The following GATAD2B variants were observed in gnomAD, a reference collection of about 807,000 sequenced individuals.
The protein encoded by GATAD2B is GATA zinc finger domain containing 2B, also known as transcriptional repressor p66-beta.
A neutral mutation model predicts 64.3 loss-of-function variants in GATAD2B; 8 were observed. That is an observed-to-expected ratio of 0.12 (90% CI 0.07 to 0.22). GATAD2B has a LOEUF of 0.22. Among genes scored for constraint, GATAD2B ranks in the 10% least tolerant of loss-of-function variants. GATAD2B has a pLI of 1.00. For missense variants in GATAD2B, 453 were observed against 752.0 expected (o/e 0.60, Z 4.65); for synonymous variants, 281 against 271.3 (o/e 1.04, Z -0.35).
chr1:153,815,104 A>AAAAAC (rs1228855932), intron 7 of GATAD2B, among the ~76,000 whole-genome samples: 5 of 142,338 alleles, frequency 3.5e-5, no homozygotes, highest in Non-Finnish European at 6.2e-5. Flanking sequence ...AAAAAAAAAA[A>AAAAAC]AAAAAAAACC....
At chr1:153,832,290 G>A (rs1269348582) in intron 1 of GATAD2B, among the ~76,000 whole-genome samples, 2 of 152,096 alleles carry the variant, frequency 1.3e-5, no homozygotes, top group Admixed American at 6.6e-5. Flanking sequence ...CTATTCCAAT[G>A]CACACACAAA....
At chr1:153,837,256 G>A (rs1387983379) in intron 1 of GATAD2B, among the ~76,000 whole-genome samples, 1 of 152,050 alleles carries the variant, frequency 6.6e-6, no homozygotes, top group Non-Finnish European at 1.5e-5. Flanking sequence ...TTGGGAGGCT[G>A]GTGTGGGAGG....
At chr1:153,896,930 T>C (rs1677612325) in intron 1 of GATAD2B, among the ~76,000 whole-genome samples, 1 of 152,214 alleles carries the variant, frequency 6.6e-6, no homozygotes, top group South Asian at 2.1e-4. Flanking sequence ...AGACCCATTT[T>C]TGAAGGATCT....
At chr1:153,850,749 C>G (rs568975194) in intron 1 of GATAD2B, among the ~76,000 whole-genome samples, 1 of 151,936 alleles carries the variant, frequency 6.6e-6, no homozygotes, top group Admixed American at 6.6e-5. Flanking sequence ...AGTGAAACTT[C>G]GTCTCTACTA....
At chr1:153,852,245 C>T in intron 1 of GATAD2B, 1 of 1,219,486 alleles carries the variant, frequency 8.2e-7, no homozygotes, top group Non-Finnish European at 1.2e-6. Flanking sequence ...ACAAGAAATC[C>T]ATCAAGTCAT....
chr1:153,920,915 A>G (rs1182846133), intron 1 of GATAD2B, among the ~76,000 whole-genome samples: 1 of 152,172 alleles, frequency 6.6e-6, no homozygotes, highest in African/African-American at 2.4e-5. Context: ...CTATCTGCTT[A>G]TATGAATCCG....
chr1:153,847,453 T>C (rs903991636), intron 1 of GATAD2B, among the ~76,000 whole-genome samples: 5 of 152,110 alleles, frequency 3.3e-5, no homozygotes, highest in African/African-American at 1.2e-4. Context: ...GGTAAAATCA[T>C]AGCTTACTGC....
At chr1:153,898,498 G>GGAA (rs1210567077) in intron 1 of GATAD2B, among the ~76,000 whole-genome samples, 1 of 152,000 alleles carries the variant, frequency 6.6e-6, no homozygotes, top group African/African-American at 2.4e-5. Context: ...GGCCAAGGTG[G>GGAA]GAAGATTGCT....
intron 1 of GATAD2B, among the ~76,000 whole-genome samples, chr1:153,859,652 A>C (rs1676207314): frequency 6.6e-6 from 1 of 151,248 alleles, no homozygotes; most frequent in African/African-American, 2.4e-5. Context: ...CCTGGGTAAC[A>C]GAGTGAGACT....
chr1:153,850,260 T>G (rs1223591641), intron 1 of GATAD2B, among the ~76,000 whole-genome samples: 1 of 152,164 alleles, frequency 6.6e-6, no homozygotes, highest in Non-Finnish European at 1.5e-5. Context: ...CAGACCAAGC[T>G]GGTGATAATA....
rs574044526 is a variant in GATAD2B, at chr1:153,876,730, C to T, written c.-2+46003G>A. Among the ~76,000 whole-genome samples, 54 of 152,288 alleles carry T rather than the reference C, an allele frequency of 3.5e-4. No homozygotes were observed. The South Asian group carries it at 8.9e-3, about 25-fold the overall frequency. On this transcript the variant is annotated intron_variant, in intron 1 of 10. Transcript: ENST00000368655. ...GAAAAGGTGATATGAGAGGTCAGGGCGGTGGCTCATGCCTATAATCCCAAT... is the reference window on the plus strand; with the variant it reads ...GAAAAGGTGATATGAGAGGTCAGGGTGGTGGCTCATGCCTATAATCCCAAT...
intron 1 of GATAD2B, among the ~76,000 whole-genome samples, chr1:153,917,533 T>A (rs961839189): frequency 6.6e-6 from 1 of 152,016 alleles, no homozygotes; most frequent in Non-Finnish European, 1.5e-5. Context: ...TAGCTGGGAT[T>A]ACAGGTGCCC....
chr1:153,819,823 G>C, intron 2 of GATAD2B, 88 bp from the exon 3 acceptor site: 1 of 1,187,238 alleles, frequency 8.4e-7, no homozygotes, highest in Non-Finnish European at 1.2e-6. Flanking sequence ...GGGGGGCCGG[G>C]TGCGGTGGCT....
rs556304275 is a variant in GATAD2B at position 153,830,639 on chromosome 1, C to A, written c.-1-2291G>T. 1.2e-3 allele frequency among the ~76,000 whole-genome samples: 185 copies of A among 150,058 alleles called. 1 individual carries two copies. Among genetic ancestry groups the A allele is most frequent in the African/African-American group, 4.3e-3 (177 of 40,892 alleles). ...TACAGGCGCCCGCCACTACGCCCGG[C>A]TAATTTTTTGTATTTTTAGTAGAGA... On this transcript the variant is annotated intron_variant, in intron 1 of 10. Transcript: ENST00000368655.
At chr1:153,820,444 T>C (rs760656415) in intron 2 of GATAD2B, among the ~76,000 whole-genome samples, 3 of 152,208 alleles carry the variant, frequency 2.0e-5, no homozygotes. Context: ...TGATAAAAAA[T>C]GGCACATACT....
chr1:153,916,834 A>T (rs1318137026), intron 1 of GATAD2B, among the ~76,000 whole-genome samples: 1 of 152,044 alleles, frequency 6.6e-6, no homozygotes, highest in Admixed American at 6.6e-5. Flanking sequence ...TTTGAGAGAG[A>T]GTCTCACTCT....
chr1:153,890,802 T>C (rs1022481564), intron 1 of GATAD2B: 3 of 152,214 alleles, frequency 2.0e-5, no homozygotes, highest in Admixed American at 1.3e-4. Context: ...GTTTGTACAC[T>C]GGCTATCGTT....
chr1:153,875,989 G>A (rs1322992565), intron 1 of GATAD2B, among the ~76,000 whole-genome samples: 1 of 151,940 alleles, frequency 6.6e-6, no homozygotes, highest in East Asian at 1.9e-4. Context: ...AGCACTTTGA[G>A]AGGCCAAAGC....
rs142105815 is a variant in GATAD2B at position 153,903,483 on chromosome 1, G to C, written c.-2+19250C>G. ...TAAGACTTCATGAACTAGGCAATCA[G>C]CATTCCTAAACTAAGTTTAAATACT... On this transcript the variant is annotated intron_variant, in intron 1 of 10. Coordinates refer to ENST00000368655, the MANE Select transcript of GATAD2B (RefSeq NM_020699.4). Among the ~76,000 whole-genome samples the C allele has an allele frequency of 2.0e-3, 301 of 152,226 alleles. 2 individuals carry two copies. The highest frequency in any genetic ancestry group is 6.9e-3 in the African/African-American group (285 of 41,538).
Sources: allele counts gnomAD v4.1 joint callset (sites outside exome capture counted in the v4.1 genomes callset), GRCh38; gene constraint gnomAD v4.1.1; transcripts MANE v1.5; gene names NCBI Gene and HGNC (gene_info 2026-07-23, HGNC 2026-07-21).